COL25A1: variants seen among roughly 807,000 people sequenced by gnomAD.
COL25A1 encodes the protein collagen type XXV alpha 1 chain, also known as collagen alpha-1(XXV) chain.
Under a neutral mutation model 128.4 loss-of-function variants are expected in COL25A1, and 103 were observed. The observed-to-expected ratio is 0.80, with a 90% CI of 0.68 to 0.94. COL25A1 has a LOEUF of 0.94. Ranked by LOEUF, COL25A1 falls within the 40% of genes least tolerant of loss-of-function variation. The pLI is 0.00. For missense variants in COL25A1, 745 were observed against 840.0 expected (o/e 0.89, Z 1.40); for synonymous variants, 279 against 277.2 (o/e 1.01, Z -0.06).
chr4:108,918,434 C>T (rs1745119720), intron 12 of COL25A1, among the ~76,000 whole-genome samples: 1 of 152,162 alleles, frequency 6.6e-6, no homozygotes, highest in African/African-American at 2.4e-5. Flanking sequence ...TAAGTATCCA[C>T]TTAACTTTAA....
intron 3 of COL25A1, among the ~76,000 whole-genome samples, chr4:109,248,379 G>A (rs1376836306): frequency 3.3e-5 from 5 of 152,040 alleles, no homozygotes; most frequent in Admixed American, 6.6e-5. Context: ...CTAGAAGGAG[G>A]CTGAAATCTT....
intron 3 of COL25A1, among the ~76,000 whole-genome samples, chr4:109,066,926 C>T (rs1762501545): frequency 6.6e-6 from 1 of 152,174 alleles, no homozygotes; most frequent in Admixed American, 6.5e-5. Flanking sequence ...CCAACTCAGC[C>T]TCCCAAAATG....
intron 3 of COL25A1, among the ~76,000 whole-genome samples, chr4:109,135,361 T>C (rs1691826903): frequency 6.6e-6 from 1 of 152,224 alleles, no homozygotes; most frequent in South Asian, 2.1e-4. Context: ...AAAGAATGTG[T>C]CCTTATCATT....
chr4:109,209,591 A>G (rs1452330933), intron 3 of COL25A1, among the ~76,000 whole-genome samples: 1 of 152,228 alleles, frequency 6.6e-6, no homozygotes, highest in South Asian at 2.1e-4. Context: ...TAGTAACAAC[A>G]TTAATAAATT....
At position 108,827,215 on chromosome 4, in the gene COL25A1, T is replaced by A. The variant is rs763863786; in HGVS notation, c.1711-27A>T. 18 of 1,598,092 alleles carry A rather than the reference T, an allele frequency of 1.1e-5. No homozygotes were observed. The South Asian group carries it at 2.0e-4, about 18-fold the overall frequency. On this transcript the variant is annotated intron_variant, in intron 32 of 37. Transcript: ENST00000399132. ...TAAAATGAAAAGTAGAAAGTTCAAA[T>A]CATACACACCCACCTACATTCACAC... is the stretch of plus-strand genomic sequence containing the variant.
At chr4:109,214,412 C>G (rs1777822508) in intron 3 of COL25A1, among the ~76,000 whole-genome samples, 1 of 151,912 alleles carries the variant, frequency 6.6e-6, no homozygotes, top group African/African-American at 2.4e-5. Flanking sequence ...GGAGTAGTCA[C>G]CAAGTCAATC....
chr4:108,868,953 GAA>G (rs1738340258), intron 20 of COL25A1, 133 bp downstream of exon 20: 4 of 540,232 alleles, frequency 7.4e-6, no homozygotes, highest in African/African-American at 4.5e-5. Context: ...AGAAAAGAAA[GAA>G]AGAAAAAGGA....
intron 8 of COL25A1, among the ~76,000 whole-genome samples, chr4:108,959,009 GATCT>G (rs1750376826): frequency 1.3e-5 from 2 of 151,952 alleles, no homozygotes; most frequent in East Asian, 3.9e-4. Context: ...ATTGTTTTGT[GATCT>G]ATGTGTTTGT....
At chr4:109,269,155 T>C (rs1578597107) in intron 3 of COL25A1, among the ~76,000 whole-genome samples, 1 of 148,588 alleles carries the variant, frequency 6.7e-6, no homozygotes, top group Middle Eastern at 3.4e-3. Flanking sequence ...ATTGTTCAAT[T>C]CCCACCTATG....
intron 11 of COL25A1, among the ~76,000 whole-genome samples, chr4:108,934,858 C>T (rs968020338): frequency 1.4e-4 from 22 of 152,078 alleles, no homozygotes; most frequent in African/African-American, 5.3e-4. Context: ...TCTACACTCA[C>T]CTGTAATTTA....
intron 6 of COL25A1, among the ~76,000 whole-genome samples, chr4:109,007,240 G>A (rs1179212245): frequency 6.6e-6 from 1 of 152,118 alleles, no homozygotes; most frequent in African/African-American, 2.4e-5. Flanking sequence ...CAGATGGATA[G>A]GAGCCTATAT....
chr4:109,114,463 G>A (rs1048803263), intron 3 of COL25A1, among the ~76,000 whole-genome samples: 1 of 152,024 alleles, frequency 6.6e-6, no homozygotes, highest in African/African-American at 2.4e-5. Context: ...TCTGACATCA[G>A]AGCTGAGCTT....
chr4:109,016,080 C>A (rs915500862), intron 5 of COL25A1, among the ~76,000 whole-genome samples: 23 of 152,344 alleles, frequency 1.5e-4, no homozygotes, highest in African/African-American at 5.3e-4. Flanking sequence ...GCTCCAGACC[C>A]AGGCATTCCC....
intron 3 of COL25A1, among the ~76,000 whole-genome samples, chr4:109,103,092 A>T (rs1387793910): frequency 1.3e-5 from 2 of 152,168 alleles, no homozygotes; most frequent in Non-Finnish European, 2.9e-5. Context: ...TTAAGAGCCA[A>T]AGCAACACAC....
At chr4:109,271,869 T>G (rs1782219668) in intron 3 of COL25A1, among the ~76,000 whole-genome samples, 1 of 152,198 alleles carries the variant, frequency 6.6e-6, no homozygotes. Flanking sequence ...TCTAACAATG[T>G]TTTTATTGTA....
chr4:109,298,518 G>C (rs895409691), intron 3 of COL25A1, among the ~76,000 whole-genome samples: 3 of 152,166 alleles, frequency 2.0e-5, no homozygotes, highest in African/African-American at 7.2e-5. Context: ...ACAACTCTTA[G>C]TCACTGCAAA....
chr4:109,289,532 A>G (rs1254667491), intron 3 of COL25A1, among the ~76,000 whole-genome samples: 1 of 152,106 alleles, frequency 6.6e-6, no homozygotes, highest in African/African-American at 2.4e-5. Context: ...TTTCTCAGTT[A>G]TGCTGCTAAA....
At chr4:109,117,050 A>G (rs980101730) in intron 3 of COL25A1, among the ~76,000 whole-genome samples, 2 of 151,970 alleles carry the variant, frequency 1.3e-5, no homozygotes, top group Non-Finnish European at 2.9e-5. Context: ...CGTAATAGGA[A>G]TATCAGAAGG....
chr4:109,016,252 G>A (rs1335505456), intron 5 of COL25A1, among the ~76,000 whole-genome samples: 2 of 152,230 alleles, frequency 1.3e-5, no homozygotes, highest in Non-Finnish European at 2.9e-5. Context: ...GCATGATCAG[G>A]GTAGTGCTGA....
Sources: gnomAD v4.1 joint callset for allele counts (sites outside exome capture counted in the v4.1 genomes callset) on GRCh38, gnomAD v4.1.1 for gene constraint, MANE v1.5 for transcripts, NCBI Gene and HGNC (gene_info 2026-07-23, HGNC 2026-07-21) for gene names.